ULK4: variants seen among roughly 807,000 people sequenced by gnomAD.
ULK4 encodes inactive serine/threonine-protein kinase ULK4.
Under a neutral mutation model 160.6 loss-of-function variants are expected in ULK4, and 133 were observed. That is an observed-to-expected ratio of 0.83 (90% CI 0.72 to 0.96). The LOEUF (loss-of-function observed/expected upper bound fraction) is 0.96. ULK4 is among the 40% of genes least tolerant of loss of function. The pLI is 0.00. For missense variants in ULK4, 1,580 were observed against 1,499.5 expected (o/e 1.05, Z -0.89); for synonymous variants, 534 against 539.8 (o/e 0.99, Z 0.15).
intron 35 of ULK4, among the ~76,000 whole-genome samples, chr3:41,382,206 T>C (rs2081671346): frequency 1.3e-5 from 2 of 152,208 alleles, no homozygotes; most frequent in African/African-American, 4.8e-5. Context: ...GTGGCTATCA[T>C]GTCACTCTCT....
intron 35 of ULK4, among the ~76,000 whole-genome samples, chr3:41,379,631 C>A (rs2081602390): frequency 6.6e-6 from 1 of 152,160 alleles, no homozygotes; most frequent in Non-Finnish European, 1.5e-5. Context: ...GGGCACTAAC[C>A]CTTGCCCAGC....
At chr3:41,819,877 G>A (rs1277634582) in intron 18 of ULK4, among the ~76,000 whole-genome samples, 2 of 152,166 alleles carry the variant, frequency 1.3e-5, no homozygotes, top group Non-Finnish European at 2.9e-5. Context: ...TATCTGGAAT[G>A]ATTTGAAAGC....
chr3:41,787,067 G>A (rs184492692), intron 21 of ULK4, among the ~76,000 whole-genome samples: 205 of 152,196 alleles, frequency 1.3e-3, no homozygotes, highest in Non-Finnish European at 2.1e-3. Flanking sequence ...AAAATTTTTA[G>A]AAAATAGCTA....
intron 35 of ULK4, among the ~76,000 whole-genome samples, chr3:41,278,638 T>A (rs2125692299): frequency 6.6e-6 from 1 of 152,270 alleles, no homozygotes; most frequent in Non-Finnish European, 1.5e-5. Context: ...CAGCCTCTGC[T>A]GGTGATACCC....
chr3:41,268,757 A>T (rs1271996309), intron 35 of ULK4, among the ~76,000 whole-genome samples: 1 of 144,600 alleles, frequency 6.9e-6, no homozygotes, highest in Admixed American at 7.1e-5. Flanking sequence ...GTGAGCCGAG[A>T]TCGCACACTG....
intron 1 of ULK4, among the ~76,000 whole-genome samples, chr3:41,959,217 T>G (rs1700585661): frequency 2.0e-5 from 3 of 151,978 alleles, no homozygotes; most frequent in Admixed American, 1.3e-4. Flanking sequence ...TACAAAAAAT[T>G]AGCCAGGCAT....
chr3:41,811,396 G>C (rs138007188), intron 19 of ULK4, among the ~76,000 whole-genome samples: 1 of 152,082 alleles, frequency 6.6e-6, no homozygotes, highest in East Asian at 1.9e-4. Flanking sequence ...TGAACCCAGC[G>C]ATCCTCCTGC....
intron 31 of ULK4, among the ~76,000 whole-genome samples, chr3:41,585,880 A>G (rs1028869509): frequency 1.3e-5 from 2 of 152,218 alleles, no homozygotes; most frequent in Admixed American, 6.5e-5. Context: ...AAGATGAAAT[A>G]CAAATTGCCA....
chr3:41,884,180 G>A (rs560893240), intron 16 of ULK4, among the ~76,000 whole-genome samples: 4 of 152,138 alleles, frequency 2.6e-5, no homozygotes, highest in Non-Finnish European at 5.9e-5. Context: ...CTGCAACAGC[G>A]ACAAAATTTA....
intron 32 of ULK4, among the ~76,000 whole-genome samples, chr3:41,490,725 G>A (rs1206255830): frequency 6.6e-6 from 1 of 152,150 alleles, no homozygotes; most frequent in Non-Finnish European, 1.5e-5. Flanking sequence ...TTTCTACAAT[G>A]TCTACCATGG....
At chr3:41,398,685 C>T (rs1425800802) in intron 34 of ULK4, among the ~76,000 whole-genome samples, 2 of 151,904 alleles carry the variant, frequency 1.3e-5, no homozygotes, top group African/African-American at 4.8e-5. Context: ...AGCCACTGCG[C>T]CTGGCCTAAA....
At chr3:41,937,203 G>A (rs567526164) in intron 3 of ULK4, 2 of 491,222 alleles carry the variant, frequency 4.1e-6, no homozygotes, top group Admixed American at 3.5e-5. Flanking sequence ...TACAAACGTA[G>A]GCATGTTTTA....
chr3:41,376,703 T>C lies in ULK4; in HGVS notation c.3678+21376A>G, dbSNP rs372565711. On this transcript the variant is annotated intron_variant, in intron 35 of 36. Coordinates refer to ENST00000301831, the MANE Select transcript of ULK4 (RefSeq NM_017886.4). ...GACCTCTTCAAGGAGAACTACAAAC[T>C]ACTGCTCAAGGAAATAAAAGAGGAT... Among the ~76,000 whole-genome samples the C allele has an allele frequency of 6.5e-4, 97 of 149,542 alleles. 10 individuals are homozygous for C. The highest frequency in any genetic ancestry group is 2.3e-3 in the African/African-American group (93 of 39,960).
chr3:41,789,773 G>A lies in ULK4; in HGVS notation c.2081C>T (p.Ser694Leu), dbSNP rs1405288084. Residue 694 changes from serine to leucine, a missense_variant, in exon 21 of 37, where the codon TCA becomes TTA. Ser to Leu is a moderately radical substitution (Grantham distance 145, BLOSUM62 -2). Transcript: ENST00000301831. ...GGCAGAGGCCAGGGAGTTTATTACT[G>A]AGTTCAGTCCCACCTTTTCAATAAC... ...QNVIEKVGLN[S>L]VINSLASAIC... is the part of the protein sequence containing the mutation. 4.3e-6 allele frequency: 7 copies of A among 1,613,802 alleles called. No individual in the cohort carries two copies. The highest frequency in any genetic ancestry group is 5.9e-6 in the Non-Finnish European group (7 of 1,179,876).
intron 16 of ULK4, among the ~76,000 whole-genome samples, chr3:41,892,519 A>C (rs111508573): frequency 0.045 from 6,797 of 152,320 alleles, 470 homozygotes; most frequent in African/African-American, 0.15. Context: ...AGCCTTAAAA[A>C]GGAATGAAAT....
chr3:41,859,529 A>G (rs2125682379), intron 17 of ULK4: 2 of 545,456 alleles, frequency 3.7e-6, no homozygotes, highest in Non-Finnish European at 7.4e-6. Flanking sequence ...CAAGGCACCA[A>G]GAAGCCAACG....
At chr3:41,536,312 T>C (rs772012477) in intron 32 of ULK4, among the ~76,000 whole-genome samples, 8 of 152,188 alleles carry the variant, frequency 5.3e-5, no homozygotes, top group Non-Finnish European at 1.0e-4. Context: ...CTTTCATTGC[T>C]GGGCCTTGGT....
intron 30 of ULK4, among the ~76,000 whole-genome samples, chr3:41,632,094 T>G (rs1030783618): frequency 1.3e-5 from 2 of 152,184 alleles, no homozygotes; most frequent in African/African-American, 4.8e-5. Context: ...ATCCCACAGC[T>G]TCCCAGTTTG....
intron 30 of ULK4, among the ~76,000 whole-genome samples, chr3:41,622,951 T>G (rs1230675972): frequency 6.6e-6 from 1 of 151,992 alleles, no homozygotes; most frequent in African/African-American, 2.4e-5. Flanking sequence ...TAGAAAGAAA[T>G]AAACATGGGT....
Sources: allele counts gnomAD v4.1 joint callset (sites outside exome capture counted in the v4.1 genomes callset), GRCh38; gene constraint gnomAD v4.1.1; transcripts MANE v1.5; gene names NCBI Gene and HGNC (gene_info 2026-07-23, HGNC 2026-07-21).